PARVB: variants seen among roughly 807,000 people sequenced by gnomAD.
PARVB encodes beta-parvin.
In PARVB, 46 loss-of-function variants were observed where a neutral mutation model predicts 47.0. The observed-to-expected ratio is 0.98, with a 90% confidence interval of 0.77 to 1.25. The LOEUF (loss-of-function observed/expected upper bound fraction) is 1.25, where lower values mean the gene tolerates loss of function less well. PARVB is among the 50% of genes most tolerant of loss of function. The pLI is 0.00. For synonymous variants in PARVB, 196 were observed against 196.3 expected (o/e 1.00, Z 0.01); for missense variants, 473 against 471.6 (o/e 1.00, Z -0.03).
chr22:44,121,878 A>G (rs117147214), intron 4 of PARVB, among the ~76,000 whole-genome samples: 141 of 152,362 alleles, frequency 9.3e-4, no homozygotes, highest in Non-Finnish European at 1.9e-3. Context: ...CTCTGATTGC[A>G]TACAAAAATA....
chr22:44,031,691 G>C (rs964527638), intron 1 of PARVB, among the ~76,000 whole-genome samples: 14 of 151,948 alleles, frequency 9.2e-5, no homozygotes, highest in Non-Finnish European at 1.8e-4. Context: ...CACCGCTGTG[G>C]AATTAATATC....
rs890297387 is a variant in PARVB, at chr22:44,068,302, C to A, written c.113-25626C>A. Among the ~76,000 whole-genome samples, 2 of 152,114 alleles carry A rather than the reference C, an allele frequency of 1.3e-5. No individual in the cohort carries two copies. The highest frequency in any genetic ancestry group is 2.9e-5 in the Non-Finnish European group (2 of 68,014). ...GTCATTGTTAATAACCCCTTTTTAC[C>A]GACGAGGAACCCAGACCAGACAGAG... On this transcript the variant is annotated intron_variant, in intron 1 of 12. Coordinates refer to ENST00000338758, the MANE Select transcript of PARVB (RefSeq NM_013327.5). This position sits in a 1 kb window ranked among gnomAD's most constrained non-coding sequence, Gnocchi z 4.1.
intron 2 of PARVB, among the ~76,000 whole-genome samples, chr22:44,001,864 C>T (rs1368190732): frequency 6.6e-6 from 1 of 152,190 alleles, no homozygotes; most frequent in Non-Finnish European, 1.5e-5. Context: ...CCCAATCACC[C>T]AGGGCTTTCC....
chr22:44,102,501 C>T (rs1282768049), intron 3 of PARVB, among the ~76,000 whole-genome samples: 2 of 152,062 alleles, frequency 1.3e-5, no homozygotes, highest in Admixed American at 1.3e-4. Flanking sequence ...GAAACAACAC[C>T]CTGGGGAGCT....
intron 2 of PARVB, among the ~76,000 whole-genome samples, chr22:44,013,548 T>G (rs2050546204): frequency 1.3e-5 from 2 of 152,240 alleles, no homozygotes; most frequent in African/African-American, 4.8e-5. Context: ...GCTCTTGAAC[T>G]TCAAATAAGT....
intron 2 of PARVB, among the ~76,000 whole-genome samples, chr22:44,001,666 A>T (rs146200005): frequency 6.6e-6 from 1 of 152,216 alleles, no homozygotes; most frequent in Non-Finnish European, 1.5e-5. Flanking sequence ...GCTGGATCCA[A>T]GTTTCCAAAA....
At position 44,097,592 on chromosome 22, in the gene PARVB, G is replaced by A. The variant is rs1258273631; in HGVS notation, c.203-2461G>A. On this transcript the variant is annotated intron_variant, in intron 2 of 12. Coordinates refer to ENST00000338758, the MANE Select transcript of PARVB (RefSeq NM_013327.5). ...GAATCAGGCCCCTGCCCCGTGAGAC[G>A]CAGCTGCTCCCTGGTCTGTGCAGAG... 3.3e-5 allele frequency among the ~76,000 whole-genome samples: 5 copies of A among 152,172 alleles called. No homozygotes were observed. The South Asian group carries it at 6.2e-4, about 19-fold the overall frequency.
At chr22:44,150,155 TCAAAA>T (rs2053771946) in intron 9 of PARVB, 1 of 139,428 alleles carries the variant, frequency 7.2e-6, no homozygotes, top group African/African-American at 2.8e-5. Flanking sequence ...AGACTCCATC[TCAAAA>T]CAAAACGAAA....
chr22:44,056,737 C>A (rs987575947), intron 1 of PARVB, among the ~76,000 whole-genome samples: 1 of 151,760 alleles, frequency 6.6e-6, no homozygotes. Context: ...AACCCCTGGG[C>A]TCAAGTGATC....
chr22:44,123,120 C>T (rs2053107659), intron 4 of PARVB, among the ~76,000 whole-genome samples: 1 of 152,202 alleles, frequency 6.6e-6, no homozygotes, highest in Non-Finnish European at 1.5e-5. Context: ...GTTGATCTTT[C>T]CTGTAGCCAC....
chr22:44,131,687 G>A (rs1440431985), intron 5 of PARVB, 60 bp downstream of exon 5: 21 of 1,513,376 alleles, frequency 1.4e-5, no homozygotes, highest in Non-Finnish European at 1.8e-5. Context: ...CTCGACATTC[G>A]TCATCCACAT....
intron 2 of PARVB, among the ~76,000 whole-genome samples, chr22:44,000,652 C>G (rs1020365939): frequency 1.3e-5 from 2 of 152,152 alleles, no homozygotes; most frequent in East Asian, 1.9e-4. Flanking sequence ...CACATAGATA[C>G]GTATTTGGAA....
At position 44,164,035 on chromosome 22, in the gene PARVB, C is replaced by T. The variant is rs1048991769; in HGVS notation, c.1018+105C>T. On this transcript the variant is annotated intron_variant, in intron 12 of 12. Transcript: ENST00000338758. Reference sequence around the variant, plus strand: ...GCTGGCATGTTGTTCCCCAGATGGGCCCCACGTCTCTGGCTCTGGGGCAAG... The same window carrying T: ...GCTGGCATGTTGTTCCCCAGATGGGTCCCACGTCTCTGGCTCTGGGGCAAG... 7.8e-6 allele frequency: 6 copies of T among 766,082 alleles called. No homozygotes were observed. The African/African-American group carries it at 8.9e-5, about 11-fold the overall frequency. 47.5% of individuals were successfully genotyped at this position (766,082 alleles called of 1,614,324 possible).
intron 1 of PARVB, among the ~76,000 whole-genome samples, chr22:44,045,735 T>TCA (rs2051101697): frequency 6.6e-6 from 1 of 152,216 alleles, no homozygotes; most frequent in Admixed American, 6.5e-5. Context: ...TGATCATCAA[T>TCA]GTATGGATTT....
intron 10 of PARVB, chr22:44,152,962 A>G (rs962793191): frequency 1.3e-5 from 2 of 152,214 alleles, no homozygotes; most frequent in Non-Finnish European, 1.5e-5. Flanking sequence ...AAACAAATAA[A>G]AATCACCCAT....
In PARVB at chr22:44,113,460, C is replaced by G. The variant is rs566198353; in HGVS notation, c.274-5578C>G. 9 of 62,818 alleles carry G rather than the reference C, an allele frequency of 1.4e-4. 2 individuals carry two copies. Among genetic ancestry groups the G allele is most frequent in the African/African-American group, 6.5e-4 (7 of 10,794 alleles). The allele number at this position is 62,818 out of a possible 1,614,324, so 3.9% of individuals were successfully genotyped here. The stretch of plus-strand genomic sequence containing the variant: ...CTGTACCAACACAGATACATTGTTA[C>G]TAACTAAGGCCCTGCACCAACACAG... On this transcript the variant is annotated intron_variant, in intron 3 of 12. Coordinates refer to ENST00000338758, the MANE Select transcript of PARVB (RefSeq NM_013327.5).
intron 1 of PARVB, among the ~76,000 whole-genome samples, chr22:44,054,414 C>T (rs1419071329): frequency 6.6e-6 from 1 of 152,122 alleles, no homozygotes; most frequent in African/African-American, 2.4e-5. Context: ...CAAGGTCTTG[C>T]TATGTTGCCC....
At chr22:44,097,802 C>T (rs1044334490) in intron 2 of PARVB, among the ~76,000 whole-genome samples, 5 of 152,198 alleles carry the variant, frequency 3.3e-5, no homozygotes, top group Non-Finnish European at 5.9e-5. Context: ...AGGTAAAGAC[C>T]GGAGATGCCT....
intron 11 of PARVB, 55 bp downstream of exon 11, chr22:44,158,138 CAGAGCAT>C (rs2053977055): frequency 1.7e-6 from 2 of 1,204,920 alleles, no homozygotes; most frequent in Admixed American, 3.4e-5. Flanking sequence ...CATTGAAATG[CAGAGCAT>C]AGACTATCCC....
Sources: allele counts gnomAD v4.1 joint callset (sites outside exome capture counted in the v4.1 genomes callset), GRCh38; gene constraint gnomAD v4.1.1; non-coding constraint Gnocchi (gnomAD v3.1); transcripts MANE v1.5; gene names NCBI Gene and HGNC (gene_info 2026-07-23, HGNC 2026-07-21).